ABCA13: variants seen among roughly 807,000 people sequenced by gnomAD.
ABCA13 encodes ATP binding cassette subfamily A member 13.
A neutral mutation model predicts 478.7 loss-of-function variants in ABCA13; 476 were observed. That is an observed-to-expected ratio of 0.99 (90% CI 0.92 to 1.07). ABCA13 has a LOEUF of 1.07. Ranked by LOEUF, ABCA13 falls within the 50% of genes least tolerant of loss-of-function variation. The probability of loss-of-function intolerance (pLI) is 0.00; values close to 1 mark genes in which losing one functional copy is unlikely to be tolerated. For missense variants in ABCA13, 6,060 were observed against 5,910.6 expected (o/e 1.03, Z -0.83); for synonymous variants, 2,252 against 2,158.9 (o/e 1.04, Z -1.20).
chr7:48,307,570 C>T (rs2128873708), intron 23 of ABCA13, among the ~76,000 whole-genome samples: 1 of 152,198 alleles, frequency 6.6e-6, no homozygotes, highest in South Asian at 2.1e-4. Flanking sequence ...CTGTACACCA[C>T]TGTAGACTCA....
intron 42 of ABCA13, among the ~76,000 whole-genome samples, chr7:48,444,646 A>G (rs1824045729): frequency 6.6e-6 from 1 of 152,024 alleles, no homozygotes; most frequent in African/African-American, 2.4e-5. Flanking sequence ...CTGAGGGGTC[A>G]TTTTGTCCCT....
chr7:48,388,590 G>A (rs1815549983), intron 36 of ABCA13, among the ~76,000 whole-genome samples: 1 of 152,112 alleles, frequency 6.6e-6, no homozygotes, highest in South Asian at 2.1e-4. Context: ...CATCGTGGTG[G>A]GTTTAGATTA....
chr7:48,368,599 TC>T (rs1196629901), intron 32 of ABCA13, among the ~76,000 whole-genome samples: 1 of 151,224 alleles, frequency 6.6e-6, no homozygotes, highest in Non-Finnish European at 1.5e-5. Flanking sequence ...AGAATAATAG[TC>T]TCTAATTCCA....
At chr7:48,524,154 T>G in intron 53 of ABCA13, 94 bp from the exon 54 acceptor site, 1 of 1,227,444 alleles carries the variant, frequency 8.1e-7, no homozygotes, top group Non-Finnish European at 1.1e-6. Flanking sequence ...GGTGATATCT[T>G]CAATTTTTTA....
intron 23 of ABCA13, among the ~76,000 whole-genome samples, chr7:48,306,908 G>T (rs1055387641): frequency 6.6e-6 from 1 of 152,174 alleles, no homozygotes; most frequent in African/African-American, 2.4e-5. Context: ...AAGATTACTC[G>T]TCATAATGTG....
At position 48,176,978 on chromosome 7, in the gene ABCA13, T is replaced by C. The variant is rs148898086; in HGVS notation, c.69+5426T>C. On this transcript the variant is annotated intron_variant, in intron 1 of 61. Transcript: ENST00000435803. ...CTCATTTCTTTGAGATTTTTGTCTG[T>C]TACTGTTGTTTATTTTGTCTATTAC... Among the ~76,000 whole-genome samples the C allele has an allele frequency of 2.3e-3, 353 of 152,330 alleles. 3 individuals are homozygous for C. Among genetic ancestry groups the C allele is most frequent in the African/African-American group, 8.1e-3 (336 of 41,560 alleles).
intron 55 of ABCA13, among the ~76,000 whole-genome samples, chr7:48,548,197 T>G (rs1365483674): frequency 6.6e-6 from 1 of 151,954 alleles, no homozygotes; most frequent in African/African-American, 2.4e-5. Context: ...GTTTATCCTA[T>G]AGGAATACAT....
In ABCA13 at chr7:48,338,445, C is replaced by G; in HGVS notation, c.10194C>G (p.Leu3398=). The change falls in exon 29 of 62, where the codon CTC becomes CTG. Residue 3398 remains leucine (L), a synonymous_variant. Transcript: ENST00000435803. The part of the protein sequence containing the change: ...HIDVDKLTEK[L]QTYGGLLDEM... The stretch of plus-strand genomic sequence containing the variant: ...ATGTAGACAAACTTACTGAAAAACT[C>G]CAGACATACGGTAAGTGTGCTGATG... 1.3e-6 allele frequency: 2 copies of G among 1,590,886 alleles called. No homozygotes were observed. The highest frequency in any genetic ancestry group is 1.7e-6 in the Non-Finnish European group (2 of 1,167,808).
At chr7:48,307,023 G>T (rs537676494) in intron 23 of ABCA13, among the ~76,000 whole-genome samples, 1 of 152,214 alleles carries the variant, frequency 6.6e-6, no homozygotes, top group South Asian at 2.1e-4. Context: ...TGCAATGTCA[G>T]CTCCTTCCTA....
At chr7:48,376,167 A>T (rs1813449370) in intron 34 of ABCA13, among the ~76,000 whole-genome samples, 1 of 152,200 alleles carries the variant, frequency 6.6e-6, no homozygotes, top group African/African-American at 2.4e-5. Context: ...TCAGGTAAAT[A>T]AAACCAGATA....
chr7:48,291,634 G>A (rs992956382), intron 20 of ABCA13, among the ~76,000 whole-genome samples: 1 of 152,116 alleles, frequency 6.6e-6, no homozygotes, highest in African/African-American at 2.4e-5. Flanking sequence ...GAGCACTCCA[G>A]CTCCCCCTGT....
intron 26 of ABCA13, among the ~76,000 whole-genome samples, chr7:48,315,931 T>C (rs892443824): frequency 1.3e-5 from 2 of 152,214 alleles, no homozygotes; most frequent in African/African-American, 4.8e-5. Flanking sequence ...TTATAAATCA[T>C]AGTATCAAAT....
At chr7:48,304,676 C>T (rs930776877) in intron 23 of ABCA13, among the ~76,000 whole-genome samples, 1 of 152,118 alleles carries the variant, frequency 6.6e-6, no homozygotes, top group African/African-American at 2.4e-5. Context: ...GCACTATGCT[C>T]ACTACCTGGG....
At chr7:48,551,493 A>C (rs1375699946) in intron 55 of ABCA13, among the ~76,000 whole-genome samples, 2 of 151,842 alleles carry the variant, frequency 1.3e-5, no homozygotes, top group African/African-American at 4.8e-5. Context: ...CATAAATCTA[A>C]GGATTATTAG....
intron 55 of ABCA13, among the ~76,000 whole-genome samples, chr7:48,543,894 A>G (rs1784578410): frequency 6.6e-6 from 1 of 151,678 alleles, no homozygotes; most frequent in South Asian, 2.1e-4. Flanking sequence ...GCATGGCAAT[A>G]TATATAAAAA....
chr7:48,383,379 A>G (rs1358200068), intron 35 of ABCA13, among the ~76,000 whole-genome samples: 1 of 152,178 alleles, frequency 6.6e-6, no homozygotes, highest in African/African-American at 2.4e-5. Flanking sequence ...GGGTATACGT[A>G]TGTGTGTGCA....
chr7:48,266,601 T>G (rs1056586277), intron 15 of ABCA13, among the ~76,000 whole-genome samples: 2 of 151,852 alleles, frequency 1.3e-5, no homozygotes, highest in Non-Finnish European at 3.0e-5. Context: ...TCTTGATCAC[T>G]CTGCCTAGAG....
At chr7:48,419,624 TAGTCAGTGAGGAGCA>T (rs1235372758) in intron 41 of ABCA13, among the ~76,000 whole-genome samples, 1 of 152,210 alleles carries the variant, frequency 6.6e-6, no homozygotes, top group Non-Finnish European at 1.5e-5. Flanking sequence ...AACTCCTCAT[TAGTCAGTGAGGAGCA>T]ACAGAACAAG....
In ABCA13 at chr7:48,181,042, CTT is replaced by C. The variant is rs1452264453; in HGVS notation, c.69+9494_69+9495del. On this transcript the variant is annotated intron_variant, in intron 1 of 61. Transcript: ENST00000435803. ...CCAAAGGGAACTCAAATTACTAACT[CTT>C]TTTAGTTTCGTTCCATCTGTTGGCT... Among the ~76,000 whole-genome samples, 4 of 152,188 alleles carry C rather than the reference CTT, an allele frequency of 2.6e-5. No individual in the cohort carries two copies. The South Asian group carries it at 8.3e-4, about 32-fold the overall frequency.
Sources: gnomAD v4.1 joint callset for allele counts (sites outside exome capture counted in the v4.1 genomes callset) on GRCh38, gnomAD v4.1.1 for gene constraint, MANE v1.5 for transcripts, NCBI Gene and HGNC (gene_info 2026-07-23, HGNC 2026-07-21) for gene names.